The following MYO18B variants were observed in gnomAD, a reference collection of about 807,000 sequenced individuals.
The protein encoded by MYO18B is unconventional myosin-XVIIIb.
In MYO18B, 204 loss-of-function variants were observed where a neutral mutation model predicts 273.0. The ratio of observed to expected loss-of-function variants is 0.75; its 90% CI spans 0.67 to 0.84. The LOEUF is 0.84. Ranked by LOEUF, MYO18B falls within the 40% of genes least tolerant of loss-of-function variation. The pLI, the probability that MYO18B is intolerant of heterozygous loss-of-function variation, is 0.00. For synonymous variants in MYO18B, 1,330 were observed against 1,305.7 expected (o/e 1.02, Z -0.40); for missense variants, 3,212 against 3,287.6 (o/e 0.98, Z 0.56).
At chr22:25,997,973 ACACAC>A (rs1413673671) in intron 40 of MYO18B, among the ~76,000 whole-genome samples, 5 of 118,070 alleles carry the variant, frequency 4.2e-5, no homozygotes, top group African/African-American at 1.7e-4. Context: ...ACACACACAC[ACACAC>A]GAGAGAGAGA....
the MYO18B span, among the ~76,000 whole-genome samples, chr22:26,062,245 G>T: frequency 1.1e-3 from 173 of 152,260 alleles, 4 homozygotes; most frequent in East Asian, 0.028. Context: ...TTCAACAACA[G>T]AGTTGTGATG....
intron 25 of MYO18B, among the ~76,000 whole-genome samples, chr22:25,889,046 G>GA (rs533902885): frequency 0.01 from 1,442 of 142,862 alleles, 18 homozygotes; most frequent in African/African-American, 0.032. Flanking sequence ...ATCCTTCCAG[G>GA]AAAAAAAAAA....
intron 34 of MYO18B, among the ~76,000 whole-genome samples, chr22:25,945,181 A>G (rs2092690130): frequency 6.6e-6 from 1 of 152,196 alleles, no homozygotes; most frequent in Non-Finnish European, 1.5e-5. Context: ...ACCCTTTTAA[A>G]GGGGGTCTGT....
chr22:25,920,034 C>T lies in MYO18B; in HGVS notation c.5365-1223C>T, dbSNP rs549453112. Among the ~76,000 whole-genome samples, 3 of 152,234 alleles carry T rather than the reference C, an allele frequency of 2.0e-5. No homozygotes were observed. In the East Asian group the frequency reaches 5.8e-4, roughly 29 times the overall value. On this transcript the variant is annotated intron_variant, in intron 33 of 43. Transcript: ENST00000335473. ...GTTCAGAGATGTGGCGTGACTCAGC[C>T]ACTGCTCCATCATCAGCAAATGGTG... is the stretch of plus-strand genomic sequence containing the variant.
At chr22:25,989,536 A>C (rs1422690394) in intron 39 of MYO18B, among the ~76,000 whole-genome samples, 1 of 149,634 alleles carries the variant, frequency 6.7e-6, no homozygotes, top group African/African-American at 2.5e-5. Flanking sequence ...TACTCCCAGC[A>C]CTTTAGGAGG....
At chr22:25,835,266 C>G (rs1243789558) in intron 16 of MYO18B, 30 bp from the exon 17 acceptor site, 4 of 1,606,212 alleles carry the variant, frequency 2.5e-6, no homozygotes, top group Non-Finnish European at 3.4e-6. Context: ...GGTATCAGGG[C>G]CCTTCAGTGA....
At position 25,932,317 on chromosome 22, in the gene MYO18B, A is replaced by C. The variant is rs182293590; in HGVS notation, c.5517+10908A>C. 1.2e-3 allele frequency among the ~76,000 whole-genome samples: 188 copies of C among 151,924 alleles called. 1 individual carries two copies. Among genetic ancestry groups the C allele is most frequent in the Non-Finnish European group, 1.4e-3 (98 of 67,938 alleles). The stretch of plus-strand genomic sequence containing the variant: ...CCCTGTATCCTAATCAAAATCACAA[A>C]ATTTAATATTGATAAAAATCCTTCC... On this transcript the variant is annotated intron_variant, in intron 34 of 43. Coordinates refer to ENST00000335473, the MANE Select transcript of MYO18B (RefSeq NM_032608.7).
At chr22:25,997,175 T>C (rs1044127937) in intron 40 of MYO18B, among the ~76,000 whole-genome samples, 3 of 151,700 alleles carry the variant, frequency 2.0e-5, no homozygotes, top group Admixed American at 6.6e-5. Flanking sequence ...ATACAAAAAT[T>C]AGCCGGGCTT....
intron 15 of MYO18B, among the ~76,000 whole-genome samples, chr22:25,830,622 C>T (rs1215991591): frequency 6.6e-6 from 1 of 152,164 alleles, no homozygotes; most frequent in Non-Finnish European, 1.5e-5. Flanking sequence ...TTGGGCTGTC[C>T]TTGTAGTGCT....
At position 25,820,999 on chromosome 22, in the gene MYO18B, C is replaced by T. The variant is rs150074047; in HGVS notation, c.2522-2506C>T. 7.2e-3 allele frequency among the ~76,000 whole-genome samples: 1,094 copies of T among 152,312 alleles called. 19 individuals are homozygous for T. Among genetic ancestry groups the T allele is most frequent in the African/African-American group, 0.025 (1,039 of 41,578 alleles). Reference sequence around the variant, plus strand: ...GTTCCACCCATGTTGCCATGAATGACAAGACTTCATGCTTTTTTATGTCTG... The same window carrying T: ...GTTCCACCCATGTTGCCATGAATGATAAGACTTCATGCTTTTTTATGTCTG... On this transcript the variant is annotated intron_variant, in intron 12 of 43. Transcript: ENST00000335473.
In MYO18B at chr22:26,005,921, T is replaced by A. The variant is rs16981191; in HGVS notation, c.6470+1066T>A. ...GATGTAGAAAATATCAAAGACAGGC[T>A]CCAAGAATGGGTTGCTTCTGGGGAG... On this transcript the variant is annotated intron_variant, in intron 42 of 43. Transcript: ENST00000335473. 5.1e-3 allele frequency among the ~76,000 whole-genome samples: 776 copies of A among 152,304 alleles called. 5 individuals carry two copies. The highest frequency in any genetic ancestry group is 0.017 in the African/African-American group (719 of 41,542).
chr22:25,992,314 G>A, intron 39 of MYO18B, 49 bp from the exon 40 acceptor site: 1 of 1,607,294 alleles, frequency 6.2e-7, no homozygotes. Context: ...TGCATGGGTG[G>A]TGCATTTCTT....
intron 34 of MYO18B, among the ~76,000 whole-genome samples, chr22:25,926,945 C>T (rs1439288414): frequency 6.6e-6 from 1 of 152,196 alleles, no homozygotes; most frequent in African/African-American, 2.4e-5. Flanking sequence ...GTCTTTATTG[C>T]AGTCTCTAAA....
intron 39 of MYO18B, among the ~76,000 whole-genome samples, chr22:25,977,710 C>T (rs910082472): frequency 1.3e-5 from 2 of 152,162 alleles, no homozygotes; most frequent in Non-Finnish European, 2.9e-5. Flanking sequence ...GCATATTGCA[C>T]AAGCTGTCAC....
chr22:25,995,450 C>A (rs1933136512), intron 40 of MYO18B, among the ~76,000 whole-genome samples: 1 of 152,152 alleles, frequency 6.6e-6, no homozygotes, highest in South Asian at 2.1e-4. Context: ...ATGGATACCC[C>A]ATTTTCCATG....
At chr22:25,831,529 C>T (rs1407210123) in intron 15 of MYO18B, among the ~76,000 whole-genome samples, 1 of 152,102 alleles carries the variant, frequency 6.6e-6, no homozygotes, top group Non-Finnish European at 1.5e-5. Context: ...ATTACAGGCA[C>T]CTGCCACCAC....
chr22:25,923,880 T>A (rs1464604581), intron 34 of MYO18B, among the ~76,000 whole-genome samples: 1 of 152,210 alleles, frequency 6.6e-6, no homozygotes, highest in East Asian at 1.9e-4. Flanking sequence ...TTCTTTTTTT[T>A]TTATTAAGTA....
chr22:26,051,872 T>G, the MYO18B span, among the ~76,000 whole-genome samples: 1 of 152,272 alleles, frequency 6.6e-6, no homozygotes, highest in Non-Finnish European at 1.5e-5. Flanking sequence ...CATTACTTTT[T>G]GCACTTAAAA....
chr22:25,798,120 A>C, intron 12 of MYO18B, 23 bp downstream of exon 12: 1 of 1,586,388 alleles, frequency 6.3e-7, no homozygotes, highest in Non-Finnish European at 8.6e-7. Flanking sequence ...TGCCGGGCTC[A>C]CCTGGGAGGG....
Sources: gnomAD v4.1 joint callset for allele counts (sites outside exome capture counted in the v4.1 genomes callset) on GRCh38, gnomAD v4.1.1 for gene constraint, MANE v1.5 for transcripts, NCBI Gene and HGNC (gene_info 2026-07-23, HGNC 2026-07-21) for gene names.